Variants in TENM2 observed in about 807,000 individuals in gnomAD.
TENM2 encodes teneurin transmembrane protein 2.
Under a neutral mutation model 245.2 loss-of-function variants are expected in TENM2, and 52 were observed. The observed-to-expected ratio is 0.21, with a 90% CI of 0.17 to 0.27. The LOEUF is 0.27. TENM2 is among the 10% of genes least tolerant of loss of function. The probability of loss-of-function intolerance (pLI) is 1.00; values close to 1 mark genes in which losing one functional copy is unlikely to be tolerated. For synonymous variants in TENM2, 1,363 were observed against 1,438.9 expected (o/e 0.95, Z 1.19); for missense variants, 3,046 against 3,666.8 (o/e 0.83, Z 4.37).
Position 167,310,780 on chromosome 5 carries a change from T to G in TENM2, c.226+25717T>G, listed in dbSNP as rs958210405. On this transcript the variant is annotated intron_variant, in intron 1 of 28. Coordinates refer to ENST00000518659, the Ensembl canonical transcript of TENM2. ...CAAGTTATAGGCTGGAAAATTAGTGTTGTTAATTCCCCTGGAATGTGTGAA... is the reference window on the plus strand; with the variant it reads ...CAAGTTATAGGCTGGAAAATTAGTGGTGTTAATTCCCCTGGAATGTGTGAA... Among the ~76,000 whole-genome samples the G allele has an allele frequency of 7.2e-5, 11 of 152,204 alleles. No homozygotes were observed. The South Asian group carries it at 1.9e-3, about 26-fold the overall frequency.
At chr5:167,701,532 A>G (rs1758144121) in intron 2 of TENM2, among the ~76,000 whole-genome samples, 2 of 152,136 alleles carry the variant, frequency 1.3e-5, no homozygotes, top group Admixed American at 6.5e-5. Context: ...GACATGTAAT[A>G]TTTGAGACCA....
intron 5 of TENM2, among the ~76,000 whole-genome samples, chr5:168,024,130 G>T (rs901043820): frequency 2.0e-5 from 3 of 151,940 alleles, no homozygotes. Flanking sequence ...TTTAATAATT[G>T]GGCTCATCAT....
intron 2 of TENM2, among the ~76,000 whole-genome samples, chr5:167,571,993 T>C (rs1254830772): frequency 6.6e-6 from 1 of 152,230 alleles, no homozygotes; most frequent in East Asian, 1.9e-4. Flanking sequence ...CCCTTTTCCC[T>C]TCTACATCTG....
At chr5:167,013,227 A>G in the TENM2 span, among the ~76,000 whole-genome samples, 1 of 152,014 alleles carries the variant, frequency 6.6e-6, no homozygotes, top group African/African-American at 2.4e-5. Context: ...CCTCTTATCC[A>G]TCCTCCCCTT....
the TENM2 span, among the ~76,000 whole-genome samples, chr5:167,211,944 C>T: frequency 6.6e-6 from 1 of 152,250 alleles, no homozygotes; most frequent in Admixed American, 6.5e-5. Context: ...TTATTTGTCT[C>T]ATTTTACAGA....
At chr5:167,119,769 G>T in the TENM2 span, among the ~76,000 whole-genome samples, 3 of 152,240 alleles carry the variant, frequency 2.0e-5, no homozygotes, top group Admixed American at 1.3e-4. Flanking sequence ...AACCTGCTTT[G>T]TGGATGGCCA....
chr5:167,620,165 C>A (rs933041861), intron 2 of TENM2, among the ~76,000 whole-genome samples: 1 of 152,134 alleles, frequency 6.6e-6, no homozygotes, highest in Non-Finnish European at 1.5e-5. Flanking sequence ...CAGTCTAATT[C>A]AGACCTGCCC....
chr5:168,144,848 CCTGA>C (rs1378704965), intron 12 of TENM2, among the ~76,000 whole-genome samples: 1 of 150,916 alleles, frequency 6.6e-6, no homozygotes, highest in Non-Finnish European at 1.5e-5. Context: ...CCTGTTGTTT[CCTGA>C]CTTTTTAATG....
chr5:167,515,154 T>G (rs1161859799), intron 2 of TENM2, among the ~76,000 whole-genome samples: 1 of 152,188 alleles, frequency 6.6e-6, no homozygotes, highest in East Asian at 1.9e-4. Context: ...ACAGTTCCTT[T>G]TTAATCTGAT....
intron 4 of TENM2, among the ~76,000 whole-genome samples, chr5:167,980,352 C>T (rs1008336637): frequency 1.3e-5 from 2 of 152,112 alleles, no homozygotes; most frequent in African/African-American, 2.4e-5. Flanking sequence ...ATCAAGAAAT[C>T]CTTTCTGAGG....
At chr5:167,182,369 C>G in the TENM2 span, among the ~76,000 whole-genome samples, 2 of 151,890 alleles carry the variant, frequency 1.3e-5, no homozygotes, top group Admixed American at 1.3e-4. Flanking sequence ...TCTTGAGAGA[C>G]TTTTGTTGCC....
chr5:167,791,458 G>T (rs62382821), intron 2 of TENM2, among the ~76,000 whole-genome samples: 296 of 117,156 alleles, frequency 2.5e-3, no homozygotes, highest in African/African-American at 7.3e-3. Flanking sequence ...ATATTATATA[G>T]ATTATATATT....
intron 2 of TENM2, among the ~76,000 whole-genome samples, chr5:167,872,347 AAAGAAAGGAAAGAGAAG>A (rs1561880423): frequency 1.4e-3 from 197 of 139,602 alleles, no homozygotes; most frequent in African/African-American, 4.2e-3. Flanking sequence ...AGAAAGAAAG[AAAGAAAGGAAAGAGAAG>A]GAAGGAAGGA....
chr5:167,988,150 C>G (rs1783389693), intron 4 of TENM2, among the ~76,000 whole-genome samples: 1 of 152,108 alleles, frequency 6.6e-6, no homozygotes, highest in African/African-American at 2.4e-5. Flanking sequence ...TGTACATATG[C>G]AAACTTGTAA....
At chr5:167,240,094 T>C in the TENM2 span, among the ~76,000 whole-genome samples, 12 of 152,236 alleles carry the variant, frequency 7.9e-5, no homozygotes, top group Non-Finnish European at 1.6e-4. Context: ...TAGCCTTTAC[T>C]GGGATTTTAT....
At chr5:167,784,121 G>A (rs1471914035) in intron 2 of TENM2, among the ~76,000 whole-genome samples, 11 of 152,152 alleles carry the variant, frequency 7.2e-5, no homozygotes, top group South Asian at 4.1e-4. Context: ...CAGTGTCATC[G>A]TTGCAGCAAC....
intron 2 of TENM2, among the ~76,000 whole-genome samples, chr5:167,640,884 T>C (rs867117801): frequency 4.0e-5 from 3 of 74,470 alleles, no homozygotes; most frequent in Non-Finnish European, 7.7e-5. Context: ...TATATATATA[T>C]ATATATATAT....
chr5:167,148,177 CT>C, the TENM2 span, among the ~76,000 whole-genome samples: 1 of 152,166 alleles, frequency 6.6e-6, no homozygotes, highest in East Asian at 1.9e-4. Context: ...TCCACAACCC[CT>C]GTGGCTCACC....
At chr5:167,762,636 G>A (rs1393214635) in intron 2 of TENM2, among the ~76,000 whole-genome samples, 1 of 152,218 alleles carries the variant, frequency 6.6e-6, no homozygotes, top group African/African-American at 2.4e-5. Flanking sequence ...TGCTGTGCCA[G>A]TTCACTTCTG....
Sources: gnomAD v4.1 joint callset for allele counts (sites outside exome capture counted in the v4.1 genomes callset) on GRCh38, gnomAD v4.1.1 for gene constraint, MANE v1.5 for transcripts, NCBI Gene and HGNC (gene_info 2026-07-23, HGNC 2026-07-21) for gene names.